The following EYS variants were observed in gnomAD, a reference collection of about 807,000 sequenced individuals.
The protein encoded by EYS is EGF-like photoreceptor maintenance factor, also known as protein eyes shut homolog.
A neutral mutation model predicts 282.1 loss-of-function variants in EYS; 250 were observed. The observed-to-expected ratio is 0.89, with a 90% confidence interval of 0.80 to 0.98. The LOEUF (loss-of-function observed/expected upper bound fraction) is 0.98. EYS is among the 50% of genes least tolerant of loss of function. The probability of loss-of-function intolerance (pLI) is 0.00; values close to 1 mark genes in which losing one functional copy is unlikely to be tolerated. For synonymous variants in EYS, 1,355 were observed against 1,282.9 expected, an observed-to-expected ratio of 1.06 and a Z score of -1.20; for missense variants, 4,016 against 3,709.0, an observed-to-expected ratio of 1.08 and a Z score of -2.15.
chr6:64,432,563 G>T (rs1428739029), intron 28 of EYS, among the ~76,000 whole-genome samples: 2 of 150,684 alleles, frequency 1.3e-5, no homozygotes, highest in African/African-American at 4.9e-5. Context: ...ATATTATAGT[G>T]TAATATATGC....
chr6:65,612,842 A>C (rs1165566843), intron 2 of EYS, among the ~76,000 whole-genome samples: 1 of 151,684 alleles, frequency 6.6e-6, no homozygotes, highest in African/African-American at 2.4e-5. Flanking sequence ...AGAATTGCTC[A>C]TCATATTTTC....
At chr6:64,947,542 C>A (rs1433166072) in intron 14 of EYS, among the ~76,000 whole-genome samples, 3 of 151,606 alleles carry the variant, frequency 2.0e-5, no homozygotes, top group African/African-American at 7.3e-5. Flanking sequence ...TCCAGTTTTG[C>A]TGGATTTTAG....
At chr6:65,449,366 C>G (rs1207154236) in intron 5 of EYS, among the ~76,000 whole-genome samples, 1 of 151,942 alleles carries the variant, frequency 6.6e-6, no homozygotes, top group Non-Finnish European at 1.5e-5. Context: ...TTTGAGTTGT[C>G]AATTCATAGA....
rs149129558 is a variant in EYS, at chr6:65,411,727, A to C, written c.863-6360T>G. ...TAATGTTCTTTAAATGAAACCATAC[A>C]ATATGTAACTTTTTGGAATTGTCTT... On this transcript the variant is annotated intron_variant, in intron 5 of 42. Coordinates refer to ENST00000503581, the MANE Select transcript of EYS (RefSeq NM_001142800.2). Among the ~76,000 whole-genome samples, 24 of 152,094 alleles carry C rather than the reference A, an allele frequency of 1.6e-4. No individual in the cohort carries two copies. In the East Asian group the frequency reaches 4.6e-3, roughly 29 times the overall value.
At chr6:64,205,814 T>TACACACACACACACAC (rs147264812) in intron 31 of EYS, among the ~76,000 whole-genome samples, 1 of 136,282 alleles carries the variant, frequency 7.3e-6, no homozygotes, top group East Asian at 2.2e-4. Context: ...TAGGCATTCA[T>TACACACACACACACAC]ACACACACAC....
intron 31 of EYS, among the ~76,000 whole-genome samples, chr6:64,148,783 G>A (rs1022581386): frequency 2.0e-5 from 3 of 152,166 alleles, no homozygotes; most frequent in Non-Finnish European, 4.4e-5. Context: ...CCAGTTGGAT[G>A]AGAAATGATT....
At chr6:64,819,383 A>G (rs1157121632) in intron 21 of EYS, among the ~76,000 whole-genome samples, 1 of 152,152 alleles carries the variant, frequency 6.6e-6, no homozygotes, top group African/African-American at 2.4e-5. Context: ...TATAACAATT[A>G]TTCTAGATAG....
At chr6:65,605,043 C>T (rs1582509290) in intron 2 of EYS, among the ~76,000 whole-genome samples, 1 of 148,950 alleles carries the variant, frequency 6.7e-6, no homozygotes, top group African/African-American at 2.5e-5. Context: ...GGGGGTCTCA[C>T]TATTTTTCCC....
At chr6:64,320,984 C>T (rs779041731) in intron 29 of EYS, among the ~76,000 whole-genome samples, 3 of 151,550 alleles carry the variant, frequency 2.0e-5, no homozygotes, top group Non-Finnish European at 4.4e-5. Flanking sequence ...TTTCCAGTAC[C>T]AAACCCTTAC....
intron 12 of EYS, among the ~76,000 whole-genome samples, chr6:65,236,808 G>A (rs762434470): frequency 6.6e-5 from 10 of 152,144 alleles, no homozygotes; most frequent in South Asian, 4.2e-4. Flanking sequence ...TGAAACTTTC[G>A]TCACAGCAAC....
chr6:65,057,639 G>A lies in EYS; in HGVS notation c.2112C>T (p.Phe704=). 1.3e-6 allele frequency: 2 copies of A among 1,549,818 alleles called. No homozygotes were observed. Among genetic ancestry groups the A allele is most frequent in the East Asian group, 2.4e-5 (1 of 40,858 alleles). ...ATCIDQPGNY[F]CQCVPPFKVV... is the part of the protein sequence containing the mutation. ...CTTTAAATGGAGGCACACACTGGCA[G>A]AAGTAATTACCAGGTTGGTCAATGC... Residue 704 remains phenylalanine (F), a synonymous_variant, in exon 13 of 43, where the codon TTC becomes TTT. Coordinates refer to ENST00000503581, the MANE Select transcript of EYS (RefSeq NM_001142800.2).
intron 19 of EYS, among the ~76,000 whole-genome samples, chr6:64,881,030 C>A (rs990940502): frequency 1.3e-5 from 2 of 151,546 alleles, no homozygotes; most frequent in African/African-American, 4.8e-5. Flanking sequence ...TTCTCTGACA[C>A]ACCTGGCCTG....
chr6:64,307,125 G>A, intron 29 of EYS, 43 bp from the exon 30 acceptor site: 2 of 1,006,382 alleles, frequency 2.0e-6, no homozygotes, highest in Non-Finnish European at 3.0e-6. Flanking sequence ...TAATTTAAAT[G>A]ATTTTCTTGA....
intron 2 of EYS, among the ~76,000 whole-genome samples, chr6:65,598,347 T>C (rs1765488513): frequency 6.6e-6 from 1 of 151,510 alleles, no homozygotes; most frequent in Non-Finnish European, 1.5e-5. Flanking sequence ...CAATGAGTTT[T>C]GGATTTTCTA....
chr6:63,740,756 G>T (rs1394692130), intron 41 of EYS, among the ~76,000 whole-genome samples: 1 of 152,180 alleles, frequency 6.6e-6, no homozygotes, highest in Non-Finnish European at 1.5e-5. Context: ...TACAGCTTGA[G>T]TACTGAAAAT....
At chr6:64,705,505 G>A (rs1281463034) in intron 22 of EYS, among the ~76,000 whole-genome samples, 1 of 151,776 alleles carries the variant, frequency 6.6e-6, no homozygotes. Flanking sequence ...CCAAAAAAAA[G>A]CATGCATAGC....
intron 12 of EYS, among the ~76,000 whole-genome samples, chr6:65,278,031 C>CCTTTCCTTTTCTTTT (rs1768098270): frequency 9.3e-6 from 1 of 107,486 alleles, no homozygotes; most frequent in African/African-American, 3.4e-5. Flanking sequence ...CTTTTCTTTT[C>CCTTTCCTTTTCTTTT]CTTTTCTTTT....
At chr6:64,079,531 A>G (rs899068647) in intron 32 of EYS, among the ~76,000 whole-genome samples, 3 of 152,114 alleles carry the variant, frequency 2.0e-5, no homozygotes, top group Non-Finnish European at 4.4e-5. Flanking sequence ...TTGGGAAATA[A>G]TAAGTTGCCC....
chr6:64,187,809 G>A (rs1260373489), intron 31 of EYS, among the ~76,000 whole-genome samples: 1 of 151,756 alleles, frequency 6.6e-6, no homozygotes, highest in Non-Finnish European at 1.5e-5. Flanking sequence ...AACTCCTTAT[G>A]AGAAAGTAAT....
Sources: gnomAD v4.1 joint callset for allele counts (sites outside exome capture counted in the v4.1 genomes callset) on GRCh38, gnomAD v4.1.1 for gene constraint, MANE v1.5 for transcripts, NCBI Gene and HGNC (gene_info 2026-07-23, HGNC 2026-07-21) for gene names.